The following CACNB4 variants were observed in gnomAD, a reference collection of about 807,000 sequenced individuals.
CACNB4 encodes calcium voltage-gated channel auxiliary subunit beta 4, also known as voltage-dependent L-type calcium channel subunit beta-4.
CACNB4 carries 32 observed loss-of-function variants against 71.2 expected under a neutral mutation model. That is an observed-to-expected ratio of 0.45 (90% CI 0.34 to 0.60). The LOEUF (loss-of-function observed/expected upper bound fraction) is 0.60. Ranked by LOEUF, CACNB4 falls within the 20% of genes least tolerant of loss-of-function variation. The pLI is 0.01. For synonymous variants in CACNB4, 231 were observed against 236.9 expected (o/e 0.97, Z 0.23); for missense variants, 464 against 647.9 (o/e 0.72, Z 3.08).
chr2:151,910,382 C>T (rs2099855891), intron 2 of CACNB4, among the ~76,000 whole-genome samples: 1 of 151,988 alleles, frequency 6.6e-6, no homozygotes, highest in Admixed American at 6.6e-5. Flanking sequence ...TTACCTATGC[C>T]TATGTCCTGA....
chr2:152,032,805 T>A (rs937977847), intron 2 of CACNB4, among the ~76,000 whole-genome samples: 1 of 151,870 alleles, frequency 6.6e-6, no homozygotes, highest in Non-Finnish European at 1.5e-5. Flanking sequence ...AACAAAAAAA[T>A]TAGCTGGGTA....
rs140044724 is a variant in CACNB4 at position 152,006,045 on chromosome 2, A to G, written c.147+92285T>C. 3.3e-3 allele frequency among the ~76,000 whole-genome samples: 495 copies of G among 152,292 alleles called. 2 individuals carry two copies. The South Asian group carries it at 0.035, about 11-fold the overall frequency. On this transcript the variant is annotated intron_variant, in intron 2 of 13. Transcript: ENST00000539935. ...TTAAGTACTTAGTGAAAGTGCATCA[A>G]TTTTTACCCATAATCTTCTAGTGCT...
At chr2:152,008,059 C>T (rs1008610081) in intron 2 of CACNB4, among the ~76,000 whole-genome samples, 1 of 151,992 alleles carries the variant, frequency 6.6e-6, no homozygotes, top group African/African-American at 2.4e-5. Context: ...TGCCAGCCAC[C>T]ATGCCCTGCC....
intron 2 of CACNB4, among the ~76,000 whole-genome samples, chr2:152,062,607 C>T (rs1269045290): frequency 6.6e-6 from 1 of 152,166 alleles, no homozygotes; most frequent in Non-Finnish European, 1.5e-5. Context: ...TAATCACCTC[C>T]CCATCTCAAT....
chr2:151,872,387 T>C (rs563473025), intron 6 of CACNB4, 30 bp downstream of exon 6: 5 of 1,269,346 alleles, frequency 3.9e-6, no homozygotes, highest in Non-Finnish European at 5.7e-6. Context: ...GAATACAGTG[T>C]ATGAAAAAGA....
intron 2 of CACNB4, among the ~76,000 whole-genome samples, chr2:152,010,388 G>C (rs1291923803): frequency 1.3e-5 from 2 of 152,134 alleles, no homozygotes; most frequent in African/African-American, 2.4e-5. Flanking sequence ...AAGGCTTTGG[G>C]ACTTGAGATC....
intron 2 of CACNB4, among the ~76,000 whole-genome samples, chr2:152,040,469 T>C (rs1339455356): frequency 6.6e-6 from 1 of 152,202 alleles, no homozygotes; most frequent in African/African-American, 2.4e-5. Context: ...TGAGACACAG[T>C]CTTGCTCTGT....
chr2:152,010,545 G>C (rs893588779), intron 2 of CACNB4, among the ~76,000 whole-genome samples: 1 of 152,214 alleles, frequency 6.6e-6, no homozygotes, highest in African/African-American at 2.4e-5. Context: ...ACTGATATTA[G>C]AGACTTCACA....
chr2:151,972,030 C>A (rs2099872680), intron 2 of CACNB4: 3 of 134,710 alleles, frequency 2.2e-5, no homozygotes, highest in South Asian at 2.3e-4. Flanking sequence ...TCCCATCTTA[C>A]AGAAAAACTC....
At chr2:152,017,230 G>GT (rs1336434956) in intron 2 of CACNB4, among the ~76,000 whole-genome samples, 6 of 149,956 alleles carry the variant, frequency 4.0e-5, no homozygotes, top group Non-Finnish European at 8.8e-5. Flanking sequence ...CTGATTCAAC[G>GT]TATCTGAGAA....
chr2:151,898,626 T>G (rs2099852644), intron 2 of CACNB4, among the ~76,000 whole-genome samples: 1 of 152,250 alleles, frequency 6.6e-6, no homozygotes, highest in South Asian at 2.1e-4. Flanking sequence ...TTAAAAATTC[T>G]ATTTTCTCAT....
In CACNB4 at chr2:152,099,012, C is replaced by G; in HGVS notation, c.-1G>C. ...TCTTGGCGTAGGAGGAGGAGGACAT[C>G]GTTCAGAGCCGCCGCATGGCCAGCC... is the stretch of plus-strand genomic sequence containing the variant. On this transcript the variant is annotated 5_prime_UTR_variant, in exon 1 of 14. Coordinates refer to ENST00000539935, the MANE Select transcript of CACNB4 (RefSeq NM_000726.5). The G allele has an allele frequency of 1.3e-6, 2 of 1,524,716 alleles. No individual in the cohort carries two copies. The highest frequency in any genetic ancestry group is 1.8e-6 in the Non-Finnish European group (2 of 1,139,098). 94.4% of individuals were successfully genotyped at this position (1,524,716 alleles called of 1,614,324 possible).
chr2:152,028,590 AAAG>A (rs1452766409), intron 2 of CACNB4, among the ~76,000 whole-genome samples: 18 of 152,340 alleles, frequency 1.2e-4, no homozygotes, highest in African/African-American at 3.8e-4. Flanking sequence ...TCTTTCTGCG[AAAG>A]AAGAAGGGAG....
In CACNB4 at chr2:152,071,678, C is replaced by A. The variant is rs73000940; in HGVS notation, c.147+26652G>T. On this transcript the variant is annotated intron_variant, in intron 2 of 13. Coordinates refer to ENST00000539935, the MANE Select transcript of CACNB4 (RefSeq NM_000726.5). ...GTTTTTATAAAAATAGCAATTGGGC[C>A]TATAGTAACCCGAAAACAAAATTAG... 1.2e-3 allele frequency among the ~76,000 whole-genome samples: 180 copies of A among 152,240 alleles called. 1 individual carries two copies. The highest frequency in any genetic ancestry group is 4.2e-3 in the African/African-American group (176 of 41,538).
Position 151,838,677 on chromosome 2 carries a change from C to T in CACNB4, c.*442G>A, listed in dbSNP as rs7597215. 56,971 of 146,786 alleles carry T rather than the reference C, an allele frequency of 0.39. 16,044 individuals carry two copies. The highest frequency in any genetic ancestry group is 0.8 in the African/African-American group (32,519 of 40,496). 9.1% of individuals were successfully genotyped at this position (146,786 alleles called of 1,614,324 possible). A position where few individuals can be genotyped will look rare whatever the true frequency, so the allele number is the denominator to read the frequency against. ...ATTTTCTTATTAGTTTTTTTTTTTTCCCCCCAGATTTTTCAGTTGATTACA... is the reference window on the plus strand; with the variant it reads ...ATTTTCTTATTAGTTTTTTTTTTTTTCCCCCAGATTTTTCAGTTGATTACA... On this transcript the variant is annotated 3_prime_UTR_variant, in exon 14 of 14. Transcript: ENST00000539935.
At chr2:151,959,421 T>A (rs1324090334) in intron 2 of CACNB4, among the ~76,000 whole-genome samples, 1 of 152,116 alleles carries the variant, frequency 6.6e-6, no homozygotes, top group Non-Finnish European at 1.5e-5. Context: ...TCCCCCAACC[T>A]CCTCAAGACA....
At chr2:152,084,733 C>T (rs916103059) in intron 2 of CACNB4, among the ~76,000 whole-genome samples, 6 of 152,056 alleles carry the variant, frequency 3.9e-5, no homozygotes, top group Non-Finnish European at 8.8e-5. Flanking sequence ...CCTCAGCCTC[C>T]AGAGTATCTG....
chr2:151,950,068 A>G (rs2099866545), intron 2 of CACNB4, among the ~76,000 whole-genome samples: 1 of 151,982 alleles, frequency 6.6e-6, no homozygotes, highest in African/African-American at 2.4e-5. Context: ...AAATAAAATA[A>G]AAATAGAAAA....
chr2:151,953,216 G>A (rs866131898), intron 2 of CACNB4, among the ~76,000 whole-genome samples: 1 of 152,198 alleles, frequency 6.6e-6, no homozygotes, highest in Non-Finnish European at 1.5e-5. Context: ...TCAGGATTCT[G>A]CCAGTGCAAA....
Sources: gnomAD v4.1 joint callset for allele counts (sites outside exome capture counted in the v4.1 genomes callset) on GRCh38, gnomAD v4.1.1 for gene constraint, MANE v1.5 for transcripts, NCBI Gene and HGNC (gene_info 2026-07-23, HGNC 2026-07-21) for gene names.